DCHS2: variants seen among roughly 807,000 people sequenced by gnomAD.
The protein encoded by DCHS2 is dachsous cadherin-related 2.
A neutral mutation model predicts 182.4 loss-of-function variants in DCHS2; 142 were observed. The observed-to-expected ratio is 0.78, with a 90% CI of 0.68 to 0.89. The LOEUF is 0.89. DCHS2 is among the 40% of genes least tolerant of loss of function. The probability of loss-of-function intolerance (pLI) is 0.00; values close to 1 mark genes in which losing one functional copy is unlikely to be tolerated. For synonymous variants in DCHS2, 1,740 were observed against 1,663.3 expected (o/e 1.05, Z -1.12); for missense variants, 4,319 against 4,198.6 (o/e 1.03, Z -0.79).
chr4:154,240,222 A>G (rs1042253172), intron 18 of DCHS2, among the ~76,000 whole-genome samples: 1 of 152,230 alleles, frequency 6.6e-6, no homozygotes, highest in South Asian at 2.1e-4. Flanking sequence ...TTAACTGCAG[A>G]TAATGCAAAC....
chr4:154,344,685 CAA>C (rs1188352090), intron 3 of DCHS2, among the ~76,000 whole-genome samples: 5 of 152,304 alleles, frequency 3.3e-5, no homozygotes, highest in Non-Finnish European at 5.9e-5. Context: ...CTACCTCTAT[CAA>C]AAAGAGGAGG....
intron 12 of DCHS2, among the ~76,000 whole-genome samples, chr4:154,302,985 T>A (rs1450132523): frequency 3.0e-5 from 4 of 135,334 alleles, no homozygotes; most frequent in Admixed American, 7.2e-5. Flanking sequence ...ACACACATAT[T>A]TTTTTTTTTT....
At chr4:154,394,157 A>G (rs1197552285) in intron 1 of DCHS2, among the ~76,000 whole-genome samples, 2 of 152,134 alleles carry the variant, frequency 1.3e-5, no homozygotes, top group Admixed American at 6.5e-5. Flanking sequence ...ACTGTTATCA[A>G]TGAGGGAGTC....
At chr4:154,242,827 CA>C (rs1731892668) in intron 16 of DCHS2, 55 bp from the exon 17 acceptor site, 1 of 1,543,216 alleles carries the variant, frequency 6.5e-7, no homozygotes, top group African/African-American at 1.4e-5. Context: ...ATTAGAAAAA[CA>C]ACATAAATAT....
chr4:154,353,418 C>T (rs1315423660), intron 3 of DCHS2, among the ~76,000 whole-genome samples: 1 of 152,110 alleles, frequency 6.6e-6, no homozygotes, highest in African/African-American at 2.4e-5. Context: ...AGTTAAAAGA[C>T]AAACATTATC....
At chr4:154,335,866 G>A (rs765483782) in intron 3 of DCHS2, among the ~76,000 whole-genome samples, 1 of 152,136 alleles carries the variant, frequency 6.6e-6, no homozygotes, top group Non-Finnish European at 1.5e-5. Flanking sequence ...AATATAAATT[G>A]TGTTGTCTTC....
chr4:154,343,497 A>G lies in DCHS2; in HGVS notation c.2477-8393T>C, dbSNP rs151039101. On this transcript the variant is annotated intron_variant, in intron 3 of 19. Coordinates refer to ENST00000357232, the MANE Select transcript of DCHS2 (RefSeq NM_001358235.2). ...ACCAAGAATCTTAGCTAGATTTGCT[A>G]CATACCTTGCTGCAGCTTCTCCATC... is the stretch of plus-strand genomic sequence containing the variant. 6.9e-4 allele frequency: 1,022 copies of G among 1,484,112 alleles called. 5 individuals carry two copies. The highest frequency in any genetic ancestry group is 3.5e-3 in the Middle Eastern group (20 of 5,694). 91.9% of individuals were successfully genotyped at this position (1,484,112 alleles called of 1,614,324 possible).
intron 7 of DCHS2, 162 bp from the exon 8 acceptor site, chr4:154,322,650 T>C: frequency 1.0e-6 from 1 of 995,342 alleles, no homozygotes; most frequent in Non-Finnish European, 1.4e-6. Flanking sequence ...AAACATCACT[T>C]TTTAAAAATT....
chr4:154,246,798 T>A (rs1048435430), intron 16 of DCHS2, among the ~76,000 whole-genome samples: 3 of 151,956 alleles, frequency 2.0e-5, no homozygotes, highest in African/African-American at 7.2e-5. Context: ...TTTAGAAGAT[T>A]AAAATTCAGG....
In DCHS2 at chr4:154,259,525, C is replaced by G; in HGVS notation, c.6789+20G>C. On this transcript the variant is annotated intron_variant, in intron 15 of 19. Transcript: ENST00000357232. ...CCACACACACACACACACACACACACACAAATATATTTCTGTTACCTGTAT... is the reference window on the plus strand; with the variant it reads ...CCACACACACACACACACACACACAGACAAATATATTTCTGTTACCTGTAT... The G allele has an allele frequency of 6.2e-7, 1 of 1,609,606 alleles. No homozygotes were observed. The highest frequency in any genetic ancestry group is 8.5e-7 in the Non-Finnish European group (1 of 1,178,926).
At chr4:154,269,227 C>T (rs560154673) in intron 14 of DCHS2, 38 of 152,246 alleles carry the variant, frequency 2.5e-4, no homozygotes, top group South Asian at 1.0e-3. Flanking sequence ...TCAATTCTTC[C>T]CAGGTGCATG....
rs185314696 is a variant in DCHS2 at position 154,330,206 on chromosome 4, C to T, written c.3731-496G>A. ...AAAGTATTGTGCAAGCTATACATGA[C>T]GACACAAGTGGAAGCTGTTATTACT... On this transcript the variant is annotated intron_variant, in intron 5 of 19. Coordinates refer to ENST00000357232, the MANE Select transcript of DCHS2 (RefSeq NM_001358235.2). 2.6e-4 allele frequency among the ~76,000 whole-genome samples: 40 copies of T among 152,236 alleles called. No homozygotes were observed. In the South Asian group the frequency reaches 5.8e-3, roughly 22 times the overall value.
In DCHS2 at chr4:154,269,996, C is replaced by T; in HGVS notation, c.6481G>A (p.Val2161Ile). Residue 2161 changes from valine (V) to isoleucine (I), a missense_variant, in exon 14 of 20, where the codon GTT becomes ATT. Transcript: ENST00000357232. ...NCEAGTSIVTVKAFAPDSIQD... is the reference protein window; with the variant it reads ...NCEAGTSIVTIKAFAPDSIQD... ...ATTGAGTCAGGAGCAAAAGCTTTAACAGTCACAATAGAAGTACCTGTAAAA... is the reference window on the plus strand; with the variant it reads ...ATTGAGTCAGGAGCAAAAGCTTTAATAGTCACAATAGAAGTACCTGTAAAA... 6.2e-7 allele frequency: 1 copy of T among 1,609,758 alleles called. No homozygotes were observed. The highest frequency in any genetic ancestry group is 1.1e-5 in the South Asian group (1 of 90,248).
At position 154,423,386 on chromosome 4, in the gene DCHS2, A is replaced by C. The variant is rs75280980; in HGVS notation, c.2053-45942T>G. ...ATTTTGTAGTACGTGTCAGCACTTC[A>C]TTCCTTTTTATGACCCCCAAATTAT... On this transcript the variant is annotated intron_variant, in intron 1 of 19. Transcript: ENST00000357232. Among the ~76,000 whole-genome samples the C allele has an allele frequency of 8.3e-3, 1,263 of 152,330 alleles. 24 individuals are homozygous for C. Among genetic ancestry groups the C allele is most frequent in the African/African-American group, 0.029 (1,192 of 41,578 alleles).
At chr4:154,461,619 A>C (rs1735012504) in intron 1 of DCHS2, among the ~76,000 whole-genome samples, 1 of 152,230 alleles carries the variant, frequency 6.6e-6, no homozygotes, top group Non-Finnish European at 1.5e-5. Context: ...AGGTTATTAA[A>C]TTTAAGAAAT....
chr4:154,400,846 T>G (rs989421593), intron 1 of DCHS2, among the ~76,000 whole-genome samples: 5 of 152,156 alleles, frequency 3.3e-5, no homozygotes, highest in Non-Finnish European at 5.9e-5. Flanking sequence ...GCTCCCAACT[T>G]GGGAACTGCC....
At chr4:154,240,393 G>A (rs983126894) in intron 18 of DCHS2, 144 bp downstream of exon 18, 1 of 919,964 alleles carries the variant, frequency 1.1e-6, no homozygotes, top group African/African-American at 1.6e-5. Context: ...GTGATATTAA[G>A]TGTAAAACCC....
intron 10 of DCHS2, among the ~76,000 whole-genome samples, chr4:154,312,674 A>G (rs1366862979): frequency 6.6e-6 from 1 of 152,260 alleles, no homozygotes; most frequent in Non-Finnish European, 1.5e-5. Context: ...ATCACTCCAT[A>G]AAGAAACATT....
intron 1 of DCHS2, among the ~76,000 whole-genome samples, chr4:154,392,395 C>A (rs1731747282): frequency 6.6e-6 from 1 of 152,052 alleles, no homozygotes; most frequent in Admixed American, 6.6e-5. Flanking sequence ...TGAACAGGTG[C>A]ACTCTAAACT....
Sources: allele counts gnomAD v4.1 joint callset (sites outside exome capture counted in the v4.1 genomes callset), GRCh38; gene constraint gnomAD v4.1.1; transcripts MANE v1.5; gene names NCBI Gene and HGNC (gene_info 2026-07-23, HGNC 2026-07-21).